The following CACNA1S variants were observed in gnomAD, a reference collection of about 807,000 sequenced individuals.
CACNA1S encodes voltage-dependent L-type calcium channel subunit alpha-1S.
In CACNA1S, 126 loss-of-function variants were observed where a neutral mutation model predicts 207.4. That is an observed-to-expected ratio of 0.61 (90% CI 0.53 to 0.70). CACNA1S has a LOEUF of 0.70. Ranked by LOEUF, CACNA1S falls within the 30% of genes least tolerant of loss-of-function variation. The pLI is 0.00. For synonymous variants in CACNA1S, 960 were observed against 932.7 expected (o/e 1.03, Z -0.53); for missense variants, 2,349 against 2,422.8 (o/e 0.97, Z 0.64).
At chr1:201,043,195 G>A (rs1269556004) in intron 40 of CACNA1S, 86 bp downstream of exon 40, 1 of 1,574,232 alleles carries the variant, frequency 6.4e-7, no homozygotes, top group South Asian at 1.1e-5. Context: ...ACAAATTTGG[G>A]GTACCCTCTT....
chr1:201,096,623 A>G (rs1662444756), intron 2 of CACNA1S, among the ~76,000 whole-genome samples: 1 of 152,200 alleles, frequency 6.6e-6, no homozygotes, highest in South Asian at 2.1e-4. Context: ...GGTTTTCACC[A>G]GCTCTGCTGC....
intron 33 of CACNA1S, 103 bp from the exon 34 acceptor site, chr1:201,050,619 C>A: frequency 1.5e-6 from 2 of 1,372,708 alleles, no homozygotes; most frequent in Non-Finnish European, 2.1e-6. Flanking sequence ...TTCTCGCTTC[C>A]TGTGCCCTTG....
chr1:201,049,106 G>T lies in CACNA1S; in HGVS notation c.4242-7C>A. 3 of 1,601,932 alleles carry T rather than the reference G, an allele frequency of 1.9e-6. No individual in the cohort carries two copies. The highest frequency in any genetic ancestry group is 4.5e-5 in the East Asian group (2 of 44,500). On this transcript the variant is annotated splice_region_variant and splice_polypyrimidine_tract_variant and intron_variant, in intron 34 of 43. Transcript: ENST00000362061. ...CAGGTGTTTGATTCTCCCCCTGCGG[G>T]AGGACACACAGACTTGTGTACCTGC...
rs368602008 is a variant in CACNA1S, at chr1:201,063,081, T to G, written c.2854-567A>C. ...CCCATGTCCCAGCCCAAGGCCCAGG[T>G]AGGGGGGCTCTGTGCTCCTCTGCAC... is the stretch of plus-strand genomic sequence containing the variant. On this transcript the variant is annotated intron_variant, in intron 22 of 43. Transcript: ENST00000362061. Among the ~76,000 whole-genome samples, 160 of 150,654 alleles carry G rather than the reference T, an allele frequency of 1.1e-3. 5 individuals are homozygous for G. The South Asian group carries it at 0.032, about 30-fold the overall frequency.
At position 201,060,909 on chromosome 1, in the gene CACNA1S, C is replaced by A. The variant is rs901312923; in HGVS notation, c.3256-93G>T. 5 of 1,467,388 alleles carry A rather than the reference C, an allele frequency of 3.4e-6. No individual in the cohort carries two copies. The African/African-American group carries it at 6.9e-5, about 20-fold the overall frequency. The allele number at this position is 1,467,388 out of a possible 1,614,324, so 90.9% of individuals were successfully genotyped here. ...ATGGGATTGACGGGCAAGTCAGGAG[C>A]AGCTGTGGCCAGGGGCTGTGGCTGA... On this transcript the variant is annotated intron_variant, in intron 25 of 43. Transcript: ENST00000362061.
rs1008485089 is a variant in CACNA1S at position 201,089,554 on chromosome 1, G to A, written c.695-91C>T. Reference sequence around the variant, plus strand: ...TGTATAAGAGCAATTTAAGAGAATTGAGCAGTAAGTCTAAAGACACTCTGC... The same window carrying A: ...TGTATAAGAGCAATTTAAGAGAATTAAGCAGTAAGTCTAAAGACACTCTGC... On this transcript the variant is annotated intron_variant, in intron 5 of 43. Transcript: ENST00000362061. 1.4e-4 allele frequency: 173 copies of A among 1,273,060 alleles called. 1 individual carries two copies. In the South Asian group the frequency reaches 2.1e-3, roughly 16 times the overall value. The allele number at this position is 1,273,060 out of a possible 1,614,324, so 78.9% of individuals were successfully genotyped here.
chr1:201,074,685 T>C, intron 13 of CACNA1S, 65 bp from the exon 14 acceptor site: 2 of 1,033,444 alleles, frequency 1.9e-6, no homozygotes, highest in South Asian at 1.3e-5. Flanking sequence ...GCAGGAGTTC[T>C]GTCTGCCTGC....
chr1:201,083,829 G>A (rs1401799578), intron 9 of CACNA1S, among the ~76,000 whole-genome samples: 1 of 152,138 alleles, frequency 6.6e-6, no homozygotes, highest in African/African-American at 2.4e-5. Flanking sequence ...AGGTTGCCCA[G>A]ACTGGACTTG....
At chr1:201,102,886 G>A (rs759440723) in intron 2 of CACNA1S, among the ~76,000 whole-genome samples, 18 of 152,298 alleles carry the variant, frequency 1.2e-4, no homozygotes, top group Admixed American at 6.5e-5. Context: ...TTTGCCCCCC[G>A]AGGCTTGGGT....
At chr1:201,091,283 A>C (rs1270612696) in intron 5 of CACNA1S, among the ~76,000 whole-genome samples, 2 of 152,226 alleles carry the variant, frequency 1.3e-5, no homozygotes, top group East Asian at 1.9e-4. Context: ...CTCAGACTAA[A>C]GCTAAAACTA....
At chr1:201,079,336 C>T (rs1324341103) in intron 10 of CACNA1S, among the ~76,000 whole-genome samples, 2 of 152,244 alleles carry the variant, frequency 1.3e-5, no homozygotes, top group East Asian at 3.9e-4. Context: ...GGGCATCGAT[C>T]TGCCACATCC....
At position 201,066,864 on chromosome 1, in the gene CACNA1S, G is replaced by C. The variant is rs571039850; in HGVS notation, c.2657+23C>G. On this transcript the variant is annotated intron_variant, in intron 20 of 43. Coordinates refer to ENST00000362061, the MANE Select transcript of CACNA1S (RefSeq NM_000069.3). The surrounding 1 kb of genome is among the most constrained non-coding windows in gnomAD (Gnocchi z 4.3). The stretch of plus-strand genomic sequence containing the variant: ...AGAGCAGAGGGTGGTCTGTGCCCAG[G>C]GCTGGCCCTTGCCGCTGCTCACTCA... 1 of 1,572,804 alleles carries C rather than the reference G, an allele frequency of 6.4e-7. No homozygotes were observed. Among genetic ancestry groups the C allele is most frequent in the Admixed American group, 1.7e-5 (1 of 59,876 alleles).
Position 201,069,471 on chromosome 1 carries a change from C to T in CACNA1S, c.2490+1G>A. 1 of 1,605,832 alleles carries T rather than the reference C, an allele frequency of 6.2e-7. No homozygotes were observed. Among genetic ancestry groups the T allele is most frequent in the Non-Finnish European group, 8.5e-7 (1 of 1,177,300 alleles). On this transcript the variant is annotated splice_donor_variant, in intron 18 of 43. Coordinates refer to ENST00000362061, the MANE Select transcript of CACNA1S (RefSeq NM_000069.3). LOFTEE classifies it high-confidence loss of function. ...GTGGCAGAGAGGGTGAAGCCCGTCA[C>T]CTGATTTCTCATGGAATCAGCCCGG...
chr1:201,079,861 G>C (rs1313339912), intron 10 of CACNA1S, among the ~76,000 whole-genome samples: 2 of 152,128 alleles, frequency 1.3e-5, no homozygotes, highest in Non-Finnish European at 2.9e-5. Flanking sequence ...ATTCTGTATA[G>C]TAAGTTTCCC....
intron 1 of CACNA1S, among the ~76,000 whole-genome samples, chr1:201,110,849 C>T (rs1663073358): frequency 1.3e-5 from 2 of 152,350 alleles, no homozygotes; most frequent in Admixed American, 1.3e-4. Flanking sequence ...CCGCCACAGC[C>T]ATTTCCAGAG....
chr1:201,043,110 C>T (rs1230561436), intron 40 of CACNA1S, 171 bp downstream of exon 40: 1 of 766,452 alleles, frequency 1.3e-6, no homozygotes, highest in Non-Finnish European at 2.2e-6. Context: ...CCAAAGAAGC[C>T]TCTGCCATCG....
chr1:201,043,620 G>T, intron 39 of CACNA1S, 89 bp from the exon 40 acceptor site: 1 of 1,202,584 alleles, frequency 8.3e-7, no homozygotes. Context: ...TTGGGAACAA[G>T]CAATAGTATT....
intron 2 of CACNA1S, among the ~76,000 whole-genome samples, chr1:201,107,315 A>C (rs1461732839): frequency 6.6e-6 from 1 of 152,234 alleles, no homozygotes; most frequent in Non-Finnish European, 1.5e-5. Context: ...CAGGTTAAAC[A>C]TCCCATACTT....
Position 201,076,993 on chromosome 1 carries a change from T to C in CACNA1S, c.1754A>G (p.Tyr585Cys). ...LLGMQLFGGR[Y>C]DFEDTEVRRS... is the part of the protein sequence containing the mutation. ...CCGTACTTCTGTGTCTTCAAAGTCA[T>C]ACCTCCCCCCAAAGAGCTGCATGCC... Residue 585 changes from tyrosine (Y) to cysteine (C), a missense_variant, in exon 12 of 44, where the codon TAT becomes TGT. By Grantham distance (194) the Tyr-to-Cys change is radical. Transcript: ENST00000362061. 5 of 1,614,208 alleles carry C rather than the reference T, an allele frequency of 3.1e-6. No individual in the cohort carries two copies. Among genetic ancestry groups the C allele is most frequent in the South Asian group, 2.2e-5 (2 of 91,086 alleles).
Sources: allele counts gnomAD v4.1 joint callset (sites outside exome capture counted in the v4.1 genomes callset), GRCh38; gene constraint gnomAD v4.1.1; non-coding constraint Gnocchi (gnomAD v3.1); transcripts MANE v1.5; gene names NCBI Gene and HGNC (gene_info 2026-07-23, HGNC 2026-07-21).